Variants in MICU1 observed in about 807,000 individuals in gnomAD.
MICU1 encodes calcium uptake protein 1, mitochondrial.
Under a neutral mutation model 56.8 loss-of-function variants are expected in MICU1, and 45 were observed. The ratio of observed to expected loss-of-function variants is 0.79; its 90% CI spans 0.62 to 1.02. MICU1 has a LOEUF of 1.02. Among genes scored for constraint, MICU1 ranks in the 50% least tolerant of loss-of-function variants. MICU1 has a pLI of 0.00. For synonymous variants in MICU1, 186 were observed against 195.1 expected (o/e 0.95, Z 0.39); for missense variants, 504 against 587.1 (o/e 0.86, Z 1.46).
intron 4 of MICU1, among the ~76,000 whole-genome samples, chr10:72,534,603 T>C (rs1213479696): frequency 2.0e-5 from 3 of 152,226 alleles, no homozygotes; most frequent in African/African-American, 7.2e-5. Context: ...GTTACACTTA[T>C]TTTCTTGCAT....
chr10:72,594,821 G>A (rs1209902035), intron 1 of MICU1, among the ~76,000 whole-genome samples: 3 of 149,554 alleles, frequency 2.0e-5, no homozygotes, highest in African/African-American at 4.9e-5. Context: ...GAGGAAGGAC[G>A]ATCACTTGAG....
chr10:72,388,676 A>C (rs1411617528), intron 10 of MICU1, among the ~76,000 whole-genome samples: 1 of 152,212 alleles, frequency 6.6e-6, no homozygotes, highest in Non-Finnish European at 1.5e-5. Flanking sequence ...AAGAATGGTC[A>C]ACTCTTAGCC....
intron 4 of MICU1, among the ~76,000 whole-genome samples, chr10:72,541,683 T>C (rs181625864): frequency 1.8e-4 from 27 of 152,292 alleles, no homozygotes; most frequent in Non-Finnish European, 3.1e-4. Context: ...GCTGACTTTA[T>C]GAATAATAAA....
chr10:72,489,905 A>G (rs1279415226), intron 6 of MICU1, among the ~76,000 whole-genome samples: 3 of 152,258 alleles, frequency 2.0e-5, no homozygotes, highest in Non-Finnish European at 4.4e-5. Flanking sequence ...TACGGTGTAT[A>G]TAAATACAAC....
rs775713199 is a variant in MICU1, at chr10:72,551,281, A to G, written c.391T>C (p.Phe131Leu). Residue 131 changes from phenylalanine (F) to leucine (L), a missense_variant, in exon 4 of 12, where the codon TTT becomes CTT. By Grantham distance (22) the Phe-to-Leu change is conservative. Coordinates refer to ENST00000361114, the MANE Select transcript of MICU1 (RefSeq NM_001195518.2). ...YSTPDKIFRY[F>L]ATLKVISEPG... ...TCACTGATGACTTTCAAGGTGGCAA[A>G]ATATCGGAAGATTTTGTCTGGCGTG... The G allele has an allele frequency of 6.2e-7, 1 of 1,613,538 alleles. No homozygotes were observed. The highest frequency in any genetic ancestry group is 8.5e-7 in the Non-Finnish European group (1 of 1,179,670).
At chr10:72,512,720 GAC>G (rs1418683933) in intron 5 of MICU1, among the ~76,000 whole-genome samples, 92 of 68,098 alleles carry the variant, frequency 1.4e-3, no homozygotes, top group African/African-American at 3.7e-3. Flanking sequence ...TTTGTTTTGA[GAC>G]AGTGTCTCAC....
At chr10:72,423,097 G>A (rs1864230165) in intron 9 of MICU1, 137 bp downstream of exon 9, 1 of 1,163,244 alleles carries the variant, frequency 8.6e-7, no homozygotes, top group Non-Finnish European at 1.2e-6. Flanking sequence ...TCTCCCTACG[G>A]ACCTCAGGTA....
intron 8 of MICU1, among the ~76,000 whole-genome samples, chr10:72,455,791 T>C (rs1405139752): frequency 6.6e-6 from 1 of 151,896 alleles, no homozygotes; most frequent in East Asian, 1.9e-4. Flanking sequence ...CATAGCATAA[T>C]AGGGACTAAA....
intron 11 of MICU1, among the ~76,000 whole-genome samples, chr10:72,375,221 T>C (rs1862478513): frequency 6.6e-6 from 1 of 152,170 alleles, no homozygotes; most frequent in African/African-American, 2.4e-5. Flanking sequence ...ATTGAAAAAG[T>C]GTAAGCATCC....
At chr10:72,590,614 G>A (rs1841195901) in intron 1 of MICU1, among the ~76,000 whole-genome samples, 1 of 151,914 alleles carries the variant, frequency 6.6e-6, no homozygotes, top group Admixed American at 6.6e-5. Context: ...TTCGAGACCA[G>A]CCTCCTGGCC....
rs80061112 is a variant in MICU1, at chr10:72,602,698, T to C, written c.-2+23312A>G. ...GTAATCAACAATAATACATTATAAA[T>C]ACCATTGAACATGCAGCATATCTTA... On this transcript the variant is annotated intron_variant, in intron 1 of 11. Transcript: ENST00000361114. Among the ~76,000 whole-genome samples the C allele has an allele frequency of 2.0e-4, 30 of 152,342 alleles. No individual in the cohort carries two copies. The East Asian group carries it at 5.6e-3, about 28-fold the overall frequency.
At chr10:72,490,538 C>A (rs1866620109) in intron 6 of MICU1, among the ~76,000 whole-genome samples, 1 of 152,122 alleles carries the variant, frequency 6.6e-6, no homozygotes, top group African/African-American at 2.4e-5. Flanking sequence ...CACATTGTCA[C>A]CCACGAAGTT....
At chr10:72,401,762 G>C (rs923408187) in intron 10 of MICU1, among the ~76,000 whole-genome samples, 1 of 152,218 alleles carries the variant, frequency 6.6e-6, no homozygotes, top group South Asian at 2.1e-4. Context: ...TCAAGTGTAC[G>C]ATAGGATTAC....
At chr10:72,409,994 T>G (rs1863756517) in intron 9 of MICU1, among the ~76,000 whole-genome samples, 1 of 152,152 alleles carries the variant, frequency 6.6e-6, no homozygotes, top group Non-Finnish European at 1.5e-5. Context: ...TAACCACTAT[T>G]CTGACTTTTA....
At chr10:72,444,159 G>A (rs1865029255) in intron 8 of MICU1, among the ~76,000 whole-genome samples, 1 of 151,648 alleles carries the variant, frequency 6.6e-6, no homozygotes, top group Admixed American at 6.6e-5. Context: ...ACTCATAGGT[G>A]GGAATTGAAC....
chr10:72,554,992 G>A (rs1186656133), intron 3 of MICU1, among the ~76,000 whole-genome samples: 2 of 152,158 alleles, frequency 1.3e-5, no homozygotes, highest in Non-Finnish European at 2.9e-5. Context: ...TCCAGCCTGG[G>A]TGATAGAGAG....
chr10:72,592,662 G>C (rs934790648), intron 1 of MICU1, among the ~76,000 whole-genome samples: 5 of 152,050 alleles, frequency 3.3e-5, no homozygotes, highest in Non-Finnish European at 7.3e-5. Context: ...ATCCAAGGAT[G>C]GTTCAACAGA....
chr10:72,512,661 T>C (rs1015753116), intron 5 of MICU1, among the ~76,000 whole-genome samples: 5 of 151,762 alleles, frequency 3.3e-5, no homozygotes, highest in Admixed American at 2.0e-4. Flanking sequence ...TGCTGGGTCA[T>C]ATGGCAGCTC....
chr10:72,428,156 T>C (rs1452081572), intron 8 of MICU1, among the ~76,000 whole-genome samples: 1 of 152,154 alleles, frequency 6.6e-6, no homozygotes, highest in Admixed American at 6.6e-5. Flanking sequence ...TTTGAGTAGC[T>C]GGCAAACTGA....
Sources: allele counts gnomAD v4.1 joint callset (sites outside exome capture counted in the v4.1 genomes callset), GRCh38; gene constraint gnomAD v4.1.1; transcripts MANE v1.5; gene names NCBI Gene and HGNC (gene_info 2026-07-23, HGNC 2026-07-21).